UNC5C: variants seen among roughly 807,000 people sequenced by gnomAD.
UNC5C encodes netrin receptor UNC5C.
Under a neutral mutation model 99.8 loss-of-function variants are expected in UNC5C, and 47 were observed. That is an observed-to-expected ratio of 0.47 (90% CI 0.37 to 0.60). The LOEUF (loss-of-function observed/expected upper bound fraction) is 0.60, where lower values mean the gene tolerates loss of function less well. UNC5C is among the 20% of genes least tolerant of loss of function. The pLI is 0.00. For missense variants in UNC5C, 1,062 were observed against 1,165.9 expected, an observed-to-expected ratio of 0.91 and a Z score of 1.30; for synonymous variants, 487 against 452.2, an observed-to-expected ratio of 1.08 and a Z score of -0.98.
chr4:95,525,072 T>C (rs912243705), intron 1 of UNC5C, among the ~76,000 whole-genome samples: 3 of 152,102 alleles, frequency 2.0e-5, no homozygotes, highest in Non-Finnish European at 4.4e-5. Context: ...AATGCTCCTG[T>C]CAAAAAAAGA....
chr4:95,236,456 A>T (rs1243499388), intron 7 of UNC5C, among the ~76,000 whole-genome samples: 2 of 143,034 alleles, frequency 1.4e-5, no homozygotes, highest in Admixed American at 7.0e-5. Context: ...GGGGGGAGGG[A>T]TAGCATTAGG....
intron 14 of UNC5C, among the ~76,000 whole-genome samples, chr4:95,174,695 G>T (rs1368832989): frequency 6.7e-6 from 1 of 149,464 alleles, no homozygotes; most frequent in African/African-American, 2.5e-5. Flanking sequence ...GGTGTGGTGT[G>T]GTGCTGAAAA....
At chr4:95,257,383 G>A (rs1275045983) in intron 4 of UNC5C, among the ~76,000 whole-genome samples, 1 of 151,974 alleles carries the variant, frequency 6.6e-6, no homozygotes, top group Non-Finnish European at 1.5e-5. Context: ...CAGCCTGGGT[G>A]ACACAGCAAG....
chr4:95,405,121 A>G (rs577330837), intron 1 of UNC5C, among the ~76,000 whole-genome samples: 97 of 152,294 alleles, frequency 6.4e-4, no homozygotes, highest in African/African-American at 2.2e-3. Flanking sequence ...AAAGCATCAT[A>G]TTGGCCCTCT....
intron 14 of UNC5C, among the ~76,000 whole-genome samples, chr4:95,176,328 A>G (rs1047703812): frequency 1.3e-5 from 2 of 151,990 alleles, no homozygotes; most frequent in Non-Finnish European, 1.5e-5. Context: ...TCTGCTTTTT[A>G]GAGTTTCCAG....
At chr4:95,175,495 A>T (rs1202297181) in intron 14 of UNC5C, among the ~76,000 whole-genome samples, 1 of 149,574 alleles carries the variant, frequency 6.7e-6, no homozygotes, top group Non-Finnish European at 1.5e-5. Flanking sequence ...TTTCTCCTTC[A>T]CTTATGAAGC....
chr4:95,305,947 T>G (rs1208207975), intron 2 of UNC5C, among the ~76,000 whole-genome samples: 1 of 152,202 alleles, frequency 6.6e-6, no homozygotes, highest in Non-Finnish European at 1.5e-5. Flanking sequence ...CTTAATTTCA[T>G]AATAGTGGTA....
intron 1 of UNC5C, among the ~76,000 whole-genome samples, chr4:95,359,388 C>CA (rs149289439): frequency 1.3e-5 from 2 of 149,352 alleles, no homozygotes. Context: ...AGCTCTAGGG[C>CA]AAAAAAAATT....
chr4:95,427,983 T>C (rs1472563584), intron 1 of UNC5C, among the ~76,000 whole-genome samples: 1 of 152,156 alleles, frequency 6.6e-6, no homozygotes, highest in African/African-American at 2.4e-5. Flanking sequence ...TTGAAATTTG[T>C]ATTCATGACT....
intron 12 of UNC5C, among the ~76,000 whole-genome samples, chr4:95,190,592 A>G (rs1737041231): frequency 6.6e-6 from 1 of 152,160 alleles, no homozygotes; most frequent in Non-Finnish European, 1.5e-5. Context: ...TGCTGGGATT[A>G]CAGGCATGAG....
intron 5 of UNC5C, chr4:95,248,356 T>C: frequency 3.2e-6 from 1 of 312,804 alleles, no homozygotes; most frequent in Non-Finnish European, 6.3e-6. Flanking sequence ...TGCTTATATA[T>C]TGAATTGGAC....
chr4:95,170,083 A>ACTT (rs1456415838), intron 15 of UNC5C, 71 bp downstream of exon 15: 1 of 1,532,258 alleles, frequency 6.5e-7, no homozygotes, highest in Non-Finnish European at 8.8e-7. Context: ...AGCTAACCCT[A>ACTT]CGTCTAATAG....
intron 7 of UNC5C, among the ~76,000 whole-genome samples, chr4:95,229,188 TTACATAGGTA>T (rs1284049109): frequency 1.3e-5 from 2 of 152,218 alleles, no homozygotes; most frequent in African/African-American, 4.8e-5. Context: ...TGCAGGTTTG[TTACATAGGTA>T]TACACATGCC....
chr4:95,242,274 C>T (rs1479728163), intron 7 of UNC5C, among the ~76,000 whole-genome samples, 155 bp downstream of exon 7: 1 of 152,158 alleles, frequency 6.6e-6, no homozygotes, highest in Non-Finnish European at 1.5e-5. Flanking sequence ...GGAAAATTCG[C>T]TTTTTCCAAT....
intron 1 of UNC5C, among the ~76,000 whole-genome samples, chr4:95,480,045 G>A (rs757572757): frequency 6.6e-6 from 1 of 151,388 alleles, no homozygotes; most frequent in Non-Finnish European, 1.5e-5. Flanking sequence ...ATTACACCTC[G>A]GGCCTGTGTC....
intron 1 of UNC5C, among the ~76,000 whole-genome samples, chr4:95,442,552 C>A (rs1746981684): frequency 6.6e-6 from 1 of 151,026 alleles, no homozygotes; most frequent in African/African-American, 2.4e-5. Context: ...GGCTGGCCTC[C>A]AACTCCTGGG....
intron 1 of UNC5C, among the ~76,000 whole-genome samples, chr4:95,398,503 A>G (rs1240808579): frequency 6.6e-6 from 1 of 152,150 alleles, no homozygotes; most frequent in East Asian, 1.9e-4. Context: ...GGAAAGTTCT[A>G]CTGTAGCAGA....
At chr4:95,286,991 T>C (rs1228611474) in intron 3 of UNC5C, among the ~76,000 whole-genome samples, 1 of 152,232 alleles carries the variant, frequency 6.6e-6, no homozygotes, top group African/African-American at 2.4e-5. Context: ...TGTGGACTGC[T>C]ACTTTGAGAC....
At chr4:95,453,395 T>G (rs1204922353) in intron 1 of UNC5C, among the ~76,000 whole-genome samples, 1 of 151,122 alleles carries the variant, frequency 6.6e-6, no homozygotes, top group Admixed American at 6.6e-5. Flanking sequence ...TTTAATACAA[T>G]AAGTATATTC....
Sources: gnomAD v4.1 joint callset for allele counts (sites outside exome capture counted in the v4.1 genomes callset) on GRCh38, gnomAD v4.1.1 for gene constraint, MANE v1.5 for transcripts, NCBI Gene and HGNC (gene_info 2026-07-23, HGNC 2026-07-21) for gene names.